SH3KBP1: variants seen among roughly 807,000 people sequenced by gnomAD.
SH3KBP1 encodes SH3 domain-containing kinase-binding protein 1.
In SH3KBP1, 8 loss-of-function variants were observed where a neutral mutation model predicts 50.1. The ratio of observed to expected loss-of-function variants is 0.16; its 90% CI spans 0.09 to 0.29. The LOEUF (loss-of-function observed/expected upper bound fraction) is 0.29, where lower values mean the gene tolerates loss of function less well. Among genes scored for constraint, SH3KBP1 ranks in the 10% least tolerant of loss-of-function variants. The pLI, the probability that SH3KBP1 is intolerant of heterozygous loss-of-function variation, is 1.00. For missense variants in SH3KBP1, 377 were observed against 535.2 expected (o/e 0.70, Z 2.92); for synonymous variants, 227 against 218.6 (o/e 1.04, Z -0.34).
chrX:19,686,564 G>A (rs2063169322), intron 5 of SH3KBP1, among the ~76,000 whole-genome samples: 1 of 111,192 alleles, frequency 9.0e-6, no homozygotes, highest in South Asian at 3.8e-4. Flanking sequence ...TGGTGGTGGA[G>A]TCATCTAAAT....
intron 3 of SH3KBP1, among the ~76,000 whole-genome samples, chrX:19,731,892 G>A (rs925574189): frequency 9.0e-6 from 1 of 111,600 alleles, no homozygotes; most frequent in Non-Finnish European, 1.9e-5. Flanking sequence ...AGAATGAAAT[G>A]CAGCCCCAAA....
At chrX:19,871,215 C>G (rs747454895) in intron 1 of SH3KBP1, among the ~76,000 whole-genome samples, 1 of 112,410 alleles carries the variant, frequency 8.9e-6, no homozygotes, top group African/African-American at 3.2e-5. Context: ...CATAAAATGA[C>G]CACATCACAA....
intron 2 of SH3KBP1, among the ~76,000 whole-genome samples, chrX:19,809,667 T>G (rs765512369): frequency 7.8e-4 from 88 of 112,702 alleles, no homozygotes; most frequent in Non-Finnish European, 1.4e-3. Flanking sequence ...TGTTAATTGA[T>G]TCACTATTCT....
chrX:19,750,542 G>C (rs777070772), intron 2 of SH3KBP1, among the ~76,000 whole-genome samples: 2 of 112,036 alleles, frequency 1.8e-5, no homozygotes, highest in Non-Finnish European at 3.8e-5. Context: ...TTTTCAAATT[G>C]AACAGCAAAC....
intron 10 of SH3KBP1, 72 bp from the exon 11 acceptor site, chrX:19,592,219 A>G: frequency 4.5e-6 from 4 of 887,048 alleles, no homozygotes; most frequent in Non-Finnish European, 6.5e-6. Context: ...CAGCATTTAA[A>G]TCTTTATCAG....
chrX:19,734,752 G>A (rs1475402826), intron 3 of SH3KBP1, among the ~76,000 whole-genome samples: 2 of 111,791 alleles, frequency 1.8e-5, no homozygotes, highest in Non-Finnish European at 3.8e-5. Context: ...TGCTTATTCC[G>A]CACGTTCATA....
intron 4 of SH3KBP1, among the ~76,000 whole-genome samples, chrX:19,706,029 G>C (rs1334730105): frequency 9.0e-6 from 1 of 111,574 alleles, no homozygotes; most frequent in Non-Finnish European, 1.9e-5. Flanking sequence ...ATGAGAGCTA[G>C]GAAATCTGGC....
At chrX:19,804,989 T>C (rs1208879896) in intron 2 of SH3KBP1, among the ~76,000 whole-genome samples, 1 of 106,548 alleles carries the variant, frequency 9.4e-6, no homozygotes, top group Admixed American at 1.0e-4. Context: ...TCGTCTGGCC[T>C]CAGAATCTTC....
At chrX:19,839,138 T>C (rs1222051437) in intron 1 of SH3KBP1, among the ~76,000 whole-genome samples, 1 of 109,452 alleles carries the variant, frequency 9.1e-6, no homozygotes, top group East Asian at 2.8e-4. Context: ...ACTATGTACC[T>C]GAACCATGAA....
chrX:19,856,927 T>C (rs1001502620), intron 1 of SH3KBP1, among the ~76,000 whole-genome samples: 7 of 105,815 alleles, frequency 6.6e-5, no homozygotes, highest in Admixed American at 6.1e-4. Context: ...CACTAGTTTC[T>C]TTTCCCCTAG....
intron 7 of SH3KBP1, among the ~76,000 whole-genome samples, chrX:19,641,928 C>A (rs2061866271): frequency 8.9e-6 from 1 of 111,781 alleles, no homozygotes; most frequent in African/African-American, 3.3e-5. Context: ...CAGCCTTGGA[C>A]CTCCTGGGCT....
chrX:19,734,019 C>T (rs774807730), intron 3 of SH3KBP1, among the ~76,000 whole-genome samples: 1 of 112,088 alleles, frequency 8.9e-6, no homozygotes, highest in South Asian at 3.6e-4. Context: ...GAAATCTTTC[C>T]TAAAGAAATC....
At chrX:19,605,203 C>T (rs1430311288) in intron 9 of SH3KBP1, among the ~76,000 whole-genome samples, 2 of 110,529 alleles carry the variant, frequency 1.8e-5, no homozygotes, top group Non-Finnish European at 3.8e-5. Context: ...AGAAGGCATG[C>T]TTTACCCATT....
chrX:19,831,262 C>G (rs1044305801), intron 2 of SH3KBP1, among the ~76,000 whole-genome samples: 1 of 109,137 alleles, frequency 9.2e-6, no homozygotes, highest in African/African-American at 3.3e-5. Context: ...ACTAAAAATA[C>G]AAAAATTAGC....
chrX:19,572,686 G>C (rs973430342), intron 12 of SH3KBP1, among the ~76,000 whole-genome samples: 1 of 110,983 alleles, frequency 9.0e-6, no homozygotes. Context: ...GTTTTTCACA[G>C]TGTTATTTGT....
chrX:19,707,488 A>G (rs920874120), intron 3 of SH3KBP1, among the ~76,000 whole-genome samples: 1 of 111,715 alleles, frequency 9.0e-6, no homozygotes, highest in Non-Finnish European at 1.9e-5. Flanking sequence ...AAGCCTGATA[A>G]GTGAAGGCTG....
intron 3 of SH3KBP1, among the ~76,000 whole-genome samples, chrX:19,719,907 C>T (rs2148718644): frequency 9.4e-6 from 1 of 106,907 alleles, no homozygotes; most frequent in Admixed American, 1.0e-4. Context: ...ATAGAGAACC[C>T]TGAGTTAACA....
chrX:19,706,520 G>A (rs923957339), intron 4 of SH3KBP1, among the ~76,000 whole-genome samples: 11 of 110,523 alleles, frequency 1.0e-4, no homozygotes, highest in Non-Finnish European at 3.8e-5. Context: ...AATCCACAGC[G>A]TCCCCCACAA....
rs956417872 is a variant in SH3KBP1 at position 19,537,860 on chromosome X, C to T, written c.1893-80G>A. On this transcript the variant is annotated intron_variant, in intron 16 of 17. Coordinates refer to ENST00000397821, the MANE Select transcript of SH3KBP1 (RefSeq NM_031892.3). ...GATCAGAAATCTCTTATTATGACTACAAAATCCATCTGATCCTTTTTTACA... is the reference window on the plus strand; with the variant it reads ...GATCAGAAATCTCTTATTATGACTATAAAATCCATCTGATCCTTTTTTACA... 20 of 765,480 alleles carry T rather than the reference C, an allele frequency of 2.6e-5. No homozygotes were observed. The African/African-American group carries it at 3.3e-4, about 13-fold the overall frequency. The allele number at this position is 765,480 out of a possible 1,213,427, so 63.1% of individuals were successfully genotyped here.
Sources: gnomAD v4.1 joint callset for allele counts (sites outside exome capture counted in the v4.1 genomes callset) on GRCh38, gnomAD v4.1.1 for gene constraint, MANE v1.5 for transcripts, NCBI Gene and HGNC (gene_info 2026-07-23, HGNC 2026-07-21) for gene names.